The following ZNF420 variants were observed in gnomAD, a reference collection of about 807,000 sequenced individuals.
ZNF420 encodes the protein zinc finger protein 420.
A neutral mutation model predicts 44.7 loss-of-function variants in ZNF420; 31 were observed. That is an observed-to-expected ratio of 0.69 (90% CI 0.52 to 0.94). The LOEUF (loss-of-function observed/expected upper bound fraction) is 0.94. Ranked by LOEUF, ZNF420 falls within the 40% of genes least tolerant of loss-of-function variation. The pLI, the probability that ZNF420 is intolerant of heterozygous loss-of-function variation, is 0.00. For synonymous variants in ZNF420, 245 were observed against 267.4 expected, an observed-to-expected ratio of 0.92 and a Z score of 0.82; for missense variants, 681 against 827.9, an observed-to-expected ratio of 0.82 and a Z score of 2.18.
chr19:37,059,995 C>T (rs1328893501), intron 1 of ZNF420, among the ~76,000 whole-genome samples: 2 of 152,042 alleles, frequency 1.3e-5, no homozygotes, highest in African/African-American at 4.8e-5. Context: ...TGTATGTCCG[C>T]CTGTCGTTGG....
chr19:37,008,447 G>A (rs898668370), intron 1 of ZNF420, among the ~76,000 whole-genome samples: 2 of 152,312 alleles, frequency 1.3e-5, no homozygotes, highest in African/African-American at 4.8e-5. Flanking sequence ...TTCGGACCCA[G>A]AGGAATTGAA....
chr19:37,111,745 C>T (rs1357697023), intron 4 of ZNF420: 1 of 152,096 alleles, frequency 6.6e-6, no homozygotes, highest in Non-Finnish European at 1.5e-5. Context: ...GTGGCTGGTT[C>T]TTTATTATTT....
chr19:37,105,998 C>G (rs1290314302), intron 4 of ZNF420, among the ~76,000 whole-genome samples: 2 of 152,192 alleles, frequency 1.3e-5, no homozygotes, highest in Non-Finnish European at 2.9e-5. Context: ...TTGACTTCCT[C>G]TTTTCCTAAT....
chr19:37,056,736 G>T (rs982741053), intron 1 of ZNF420, among the ~76,000 whole-genome samples: 1 of 152,320 alleles, frequency 6.6e-6, no homozygotes, highest in African/African-American at 2.4e-5. Context: ...TCAGATCTGA[G>T]GAGGAATCCA....
chr19:37,076,253 C>T (rs1968148524), upstream of ZNF420, among the ~76,000 whole-genome samples: 1 of 151,816 alleles, frequency 6.6e-6, no homozygotes, highest in South Asian at 2.1e-4. Flanking sequence ...ACAGATGCGG[C>T]TCAAGATCAA....
intron 1 of ZNF420, among the ~76,000 whole-genome samples, chr19:37,046,775 G>A (rs3902013): frequency 0.56 from 85,346 of 151,630 alleles, 25,533 homozygotes; most frequent in African/African-American, 0.76. Flanking sequence ...AAGGTATGCT[G>A]TGAGCCAAGG....
intron 1 of ZNF420, among the ~76,000 whole-genome samples, chr19:37,059,918 T>TGTGTGTGTGCCCATGAGC (rs1967842479): frequency 6.6e-6 from 1 of 152,088 alleles, no homozygotes; most frequent in East Asian, 1.9e-4. Context: ...TCTGTCTGTA[T>TGTGTGTGTGCCCATGAGC]GTGTGTGTGC....
At chr19:37,071,080 T>A (rs1271867440) in intron 1 of ZNF420, among the ~76,000 whole-genome samples, 1 of 152,152 alleles carries the variant, frequency 6.6e-6, no homozygotes, top group Non-Finnish European at 1.5e-5. Flanking sequence ...CACAAGAAAG[T>A]TTGATGACCC....
At chr19:37,107,590 T>C (rs1460540799) in intron 4 of ZNF420, 1 of 152,088 alleles carries the variant, frequency 6.6e-6, no homozygotes, top group African/African-American at 2.4e-5. Flanking sequence ...CAGTCTGATC[T>C]CTCTTTTCCC....
intron 1 of ZNF420, among the ~76,000 whole-genome samples, chr19:37,044,052 A>G (rs1382798692): frequency 6.6e-6 from 1 of 152,190 alleles, no homozygotes; most frequent in Non-Finnish European, 1.5e-5. Context: ...TTTTGACCTG[A>G]TATTCATGAA....
At chr19:37,073,577 A>C (rs1276938702), upstream of ZNF420, among the ~76,000 whole-genome samples, 1 of 151,874 alleles carries the variant, frequency 6.6e-6, no homozygotes, top group Non-Finnish European at 1.5e-5. Flanking sequence ...TGTCTCTACT[A>C]AAAATATAAA....
chr19:37,126,803 T>G (rs1971367270), intron 4 of ZNF420, among the ~76,000 whole-genome samples: 1 of 151,244 alleles, frequency 6.6e-6, no homozygotes, highest in Non-Finnish European at 1.5e-5. Context: ...CCTTCTTAGC[T>G]AATTTTTTTT....
chr19:37,011,523 T>C (rs2074568911), intron 1 of ZNF420, among the ~76,000 whole-genome samples: 1 of 151,750 alleles, frequency 6.6e-6, no homozygotes, highest in Non-Finnish European at 1.5e-5. Context: ...GCATGGGAGG[T>C]TGTGTCGGGG....
upstream of ZNF420, among the ~76,000 whole-genome samples, chr19:37,076,314 AAAAAC>A (rs1425260032): frequency 1.3e-5 from 2 of 152,046 alleles, no homozygotes; most frequent in Admixed American, 1.3e-4. Flanking sequence ...TCCTAAAAAA[AAAAAC>A]AAAACCCAGT....
chr19:37,059,321 G>C (rs886213974), intron 1 of ZNF420, among the ~76,000 whole-genome samples: 19 of 152,342 alleles, frequency 1.2e-4, no homozygotes, highest in African/African-American at 4.6e-4. Flanking sequence ...TGTTTCAAGG[G>C]GCCGCAGCCT....
At chr19:37,076,087 T>G (rs1351248490), upstream of ZNF420, among the ~76,000 whole-genome samples, 1 of 152,136 alleles carries the variant, frequency 6.6e-6, no homozygotes. Context: ...TCAACACATA[T>G]AAAATGTCAT....
At chr19:37,098,941 CT>C (rs1162522745) in intron 4 of ZNF420, among the ~76,000 whole-genome samples, 2 of 152,078 alleles carry the variant, frequency 1.3e-5, no homozygotes, top group African/African-American at 4.8e-5. Flanking sequence ...GATATTTGTC[CT>C]GTTCTTGGCG....
At chr19:37,041,143 G>A (rs1317236022) in intron 1 of ZNF420, among the ~76,000 whole-genome samples, 1 of 151,814 alleles carries the variant, frequency 6.6e-6, no homozygotes, top group Non-Finnish European at 1.5e-5. Context: ...GGCCAACATG[G>A]CGAAACCCCA....
At chr19:37,056,267 T>G (rs1479059203) in intron 1 of ZNF420, among the ~76,000 whole-genome samples, 1 of 152,166 alleles carries the variant, frequency 6.6e-6, no homozygotes, top group African/African-American at 2.4e-5. Context: ...TGGCTTGGAC[T>G]CACACACAGG....
Sources: allele counts gnomAD v4.1 joint callset (sites outside exome capture counted in the v4.1 genomes callset), GRCh38; gene constraint gnomAD v4.1.1; transcripts MANE v1.5; gene names NCBI Gene and HGNC (gene_info 2026-07-23, HGNC 2026-07-21).